PLA2G4A: variants seen among roughly 807,000 people sequenced by gnomAD.
PLA2G4A encodes phospholipase A2 group IVA.
A neutral mutation model predicts 81.9 loss-of-function variants in PLA2G4A; 40 were observed. The observed-to-expected ratio is 0.49, with a 90% CI of 0.38 to 0.64. The LOEUF (loss-of-function observed/expected upper bound fraction) is 0.64. Among genes scored for constraint, PLA2G4A ranks in the 30% least tolerant of loss-of-function variants. The pLI, the probability that PLA2G4A is intolerant of heterozygous loss-of-function variation, is 0.00. For missense variants in PLA2G4A, 715 were observed against 905.1 expected (o/e 0.79, Z 2.69); for synonymous variants, 302 against 296.9 (o/e 1.02, Z -0.18).
At chr1:186,938,851 A>G (rs1465342548) in intron 8 of PLA2G4A, among the ~76,000 whole-genome samples, 157 bp from the exon 9 acceptor site, 1 of 152,146 alleles carries the variant, frequency 6.6e-6, no homozygotes, top group Non-Finnish European at 1.5e-5. Context: ...TGTCTGATTG[A>G]CACATTCTTT....
chr1:186,836,154 T>A (rs1651768463), intron 1 of PLA2G4A, among the ~76,000 whole-genome samples: 1 of 151,718 alleles, frequency 6.6e-6, no homozygotes, highest in Admixed American at 6.6e-5. Context: ...TATGTATTAA[T>A]AAGTATTAAT....
At position 186,881,990 on chromosome 1, in the gene PLA2G4A, G is replaced by A. The variant is rs1027743935; in HGVS notation, c.116-11021G>A. Reference sequence around the variant, plus strand: ...TTACAGTTTCATAGAGACAAAAAGAGGTAGAAGTTATTAGTACTGGAATAT... The same window carrying A: ...TTACAGTTTCATAGAGACAAAAAGAAGTAGAAGTTATTAGTACTGGAATAT... On this transcript the variant is annotated intron_variant, in intron 3 of 17. Coordinates refer to ENST00000367466, the MANE Select transcript of PLA2G4A (RefSeq NM_024420.3). 4.6e-5 allele frequency among the ~76,000 whole-genome samples: 7 copies of A among 152,172 alleles called. No individual in the cohort carries two copies. The South Asian group carries it at 6.2e-4, about 14-fold the overall frequency.
At chr1:186,862,777 G>A (rs904968418) in intron 2 of PLA2G4A, among the ~76,000 whole-genome samples, 2 of 152,152 alleles carry the variant, frequency 1.3e-5, no homozygotes, top group African/African-American at 4.8e-5. Context: ...AAGGATGTGT[G>A]AGAAAAACTT....
intron 3 of PLA2G4A, among the ~76,000 whole-genome samples, chr1:186,890,921 G>T (rs1385756226): frequency 6.6e-6 from 1 of 150,688 alleles, no homozygotes; most frequent in African/African-American, 2.4e-5. Flanking sequence ...TCTGAATATT[G>T]CCATAATAAA....
At chr1:186,947,689 T>G (rs559475000) in intron 12 of PLA2G4A, among the ~76,000 whole-genome samples, 1 of 152,306 alleles carries the variant, frequency 6.6e-6, no homozygotes, top group South Asian at 2.1e-4. Context: ...ATTTTTGGGT[T>G]GACTGTTTTG....
chr1:186,959,270 C>T (rs1656863501), intron 14 of PLA2G4A, among the ~76,000 whole-genome samples: 1 of 152,080 alleles, frequency 6.6e-6, no homozygotes. Context: ...TTGTACACCA[C>T]CTTGTCGACT....
intron 7 of PLA2G4A, among the ~76,000 whole-genome samples, chr1:186,929,430 A>G (rs933133689): frequency 6.6e-6 from 1 of 152,176 alleles, no homozygotes; most frequent in Non-Finnish European, 1.5e-5. Context: ...CATAGTTACA[A>G]TTTTATAGTT....
In PLA2G4A at chr1:186,911,407, C is replaced by T. The variant is rs768290305; in HGVS notation, c.558+18C>T. On this transcript the variant is annotated intron_variant, in intron 7 of 17. Transcript: ENST00000367466. Reference sequence around the variant, plus strand: ...CACGTGATGTGAGTTGGAAATTTTTCAAGTGTTACTATACTTTAATAATAA... The same window carrying T: ...CACGTGATGTGAGTTGGAAATTTTTTAAGTGTTACTATACTTTAATAATAA... 1.3e-6 allele frequency: 2 copies of T among 1,566,564 alleles called. No individual in the cohort carries two copies. Among genetic ancestry groups the T allele is most frequent in the Non-Finnish European group, 1.8e-6 (2 of 1,136,624 alleles).
intron 17 of PLA2G4A, among the ~76,000 whole-genome samples, chr1:186,979,759 A>T (rs1042123081): frequency 3.3e-5 from 5 of 152,124 alleles, no homozygotes; most frequent in Non-Finnish European, 5.9e-5. Flanking sequence ...ACAAATTATA[A>T]GTAAGGAAGA....
intron 14 of PLA2G4A, among the ~76,000 whole-genome samples, chr1:186,962,669 C>A (rs940209860): frequency 1.2e-4 from 18 of 152,006 alleles, no homozygotes; most frequent in Non-Finnish European, 1.2e-4. Context: ...TACAGGCGCC[C>A]GCCACCGCGC....
chr1:186,839,340 A>T (rs1004889263), intron 1 of PLA2G4A, among the ~76,000 whole-genome samples: 1 of 152,108 alleles, frequency 6.6e-6, no homozygotes, highest in Non-Finnish European at 1.5e-5. Flanking sequence ...CCTCCCGGAG[A>T]CATGTCCTGA....
At chr1:186,955,293 G>A (rs1436142136) in intron 13 of PLA2G4A, among the ~76,000 whole-genome samples, 2 of 152,124 alleles carry the variant, frequency 1.3e-5, no homozygotes, top group Admixed American at 6.5e-5. Flanking sequence ...TCATAAGGGT[G>A]TTTATTTAGT....
At chr1:186,933,401 T>C (rs1270163263) in intron 8 of PLA2G4A, among the ~76,000 whole-genome samples, 3 of 152,174 alleles carry the variant, frequency 2.0e-5, no homozygotes, top group African/African-American at 7.2e-5. Flanking sequence ...TCATTGATTT[T>C]CATCTAACTA....
intron 5 of PLA2G4A, among the ~76,000 whole-genome samples, chr1:186,902,979 A>G (rs1291985955): frequency 2.0e-5 from 3 of 152,068 alleles, no homozygotes; most frequent in African/African-American, 7.2e-5. Flanking sequence ...GTGAGTTTGC[A>G]TGTATTGATA....
intron 13 of PLA2G4A, among the ~76,000 whole-genome samples, chr1:186,951,060 T>G (rs969358): frequency 6.6e-6 from 1 of 152,152 alleles, no homozygotes; most frequent in Non-Finnish European, 1.5e-5. Context: ...TTTGGGAACA[T>G]TTTTAGATGG....
chr1:186,891,290 A>G lies in PLA2G4A; in HGVS notation c.116-1721A>G, dbSNP rs1057415056. On this transcript the variant is annotated intron_variant, in intron 3 of 17. Transcript: ENST00000367466. ...GTATCCATCCTCTGAAGCATTTATGATTTGTTGCAAATAATCCAATTACAC... is the reference window on the plus strand; with the variant it reads ...GTATCCATCCTCTGAAGCATTTATGGTTTGTTGCAAATAATCCAATTACAC... Among the ~76,000 whole-genome samples, 8 of 152,106 alleles carry G rather than the reference A, an allele frequency of 5.3e-5. No individual in the cohort carries two copies. The East Asian group carries it at 1.2e-3, about 22-fold the overall frequency.
Position 186,956,328 on chromosome 1 carries a change from G to C in PLA2G4A, c.1563G>C (p.Leu521=). Residue 521 remains leucine, a synonymous_variant, in exon 14 of 18, where the codon CTG becomes CTC. Transcript: ENST00000367466. The part of the protein sequence containing the change: ...ATQDSFDDDE[L]DAAVADPDEF... ...AGGACTCCTTTGATGATGATGAACT[G>C]GATGCAGCTGTAGCAGGTAAGTGTA... 6.2e-7 allele frequency: 1 copy of C among 1,613,612 alleles called. No individual in the cohort carries two copies.
intron 3 of PLA2G4A, among the ~76,000 whole-genome samples, chr1:186,876,342 A>G (rs959313745): frequency 3.3e-5 from 5 of 152,090 alleles, no homozygotes; most frequent in Non-Finnish European, 4.4e-5. Context: ...AATTTCTAAA[A>G]GTGAACACAT....
In PLA2G4A at chr1:186,932,885, T is replaced by A. The variant is rs747358012; in HGVS notation, c.681T>A (p.Leu227=). ...ATTGTGCTACCTACGTTGCTGGTCT[T>A]TCTGGCTCCACCTGGTTAGTATACA... ...ILDCATYVAG[L]SGSTWYMSTL... The change falls in exon 8 of 18, where the codon CTT becomes CTA. Residue 227 remains leucine, a synonymous_variant. Coordinates refer to ENST00000367466, the MANE Select transcript of PLA2G4A (RefSeq NM_024420.3). 2 of 1,611,656 alleles carry A rather than the reference T, an allele frequency of 1.2e-6. No individual in the cohort carries two copies. The highest frequency in any genetic ancestry group is 2.7e-5 in the African/African-American group (2 of 74,868).
Sources: allele counts gnomAD v4.1 joint callset (sites outside exome capture counted in the v4.1 genomes callset), GRCh38; gene constraint gnomAD v4.1.1; transcripts MANE v1.5; gene names NCBI Gene and HGNC (gene_info 2026-07-23, HGNC 2026-07-21).